Variants in SHANK2 observed in about 807,000 individuals in gnomAD.
SHANK2 encodes SH3 and multiple ankyrin repeat domains 2.
SHANK2 carries 43 observed loss-of-function variants against 133.7 expected under a neutral mutation model. That is an observed-to-expected ratio of 0.32 (90% CI 0.25 to 0.41). The LOEUF (loss-of-function observed/expected upper bound fraction) is 0.41. Among genes scored for constraint, SHANK2 ranks in the 10% least tolerant of loss-of-function variants. The pLI, the probability that SHANK2 is intolerant of heterozygous loss-of-function variation, is 1.00. For synonymous variants in SHANK2, 1,017 were observed against 952.8 expected (o/e 1.07, Z -1.24); for missense variants, 1,994 against 2,235.8 (o/e 0.89, Z 2.18).
rs530972062 is a variant in SHANK2, at chr11:71,243,627, G to A, written c.-113+8798C>T. Among the ~76,000 whole-genome samples the A allele has an allele frequency of 4.6e-5, 7 of 152,232 alleles. 1 individual carries two copies. The South Asian group carries it at 1.0e-3, about 23-fold the overall frequency. On this transcript the variant is annotated intron_variant, in intron 1 of 25. Transcript: ENST00000601538. Reference sequence around the variant, plus strand: ...AGAGAATGGTGTAAGCCCGGGAGGCGGAGCTTGCAGTGAGCTGAGATCACG... The same window carrying A: ...AGAGAATGGTGTAAGCCCGGGAGGCAGAGCTTGCAGTGAGCTGAGATCACG...
intron 10 of SHANK2, among the ~76,000 whole-genome samples, chr11:70,908,596 C>T (rs1193249731): frequency 6.6e-6 from 1 of 152,136 alleles, no homozygotes; most frequent in Non-Finnish European, 1.5e-5. Context: ...GTCCTGGGAT[C>T]GAGCAGAAGC....
In SHANK2 at chr11:70,473,446, C is replaced by T. The variant is rs1565517678; in HGVS notation, c.4980-7G>A. 12 of 1,601,262 alleles carry T rather than the reference C, an allele frequency of 7.5e-6. No individual in the cohort carries two copies. The highest frequency in any genetic ancestry group is 4.5e-5 in the East Asian group (2 of 44,874). The stretch of plus-strand genomic sequence containing the variant: ...GCTCATGATCTCCGGGCTTCTGAAA[C>T]AGCAACACAGAGAAAACCATCACAA... On this transcript the variant is annotated splice_polypyrimidine_tract_variant and splice_region_variant and intron_variant, in intron 25 of 25. Coordinates refer to ENST00000601538, the MANE Select transcript of SHANK2 (RefSeq NM_012309.5). This position sits in a 1 kb window ranked among gnomAD's most constrained non-coding sequence, Gnocchi z 5.9.
intron 3 of SHANK2, among the ~76,000 whole-genome samples, chr11:71,124,061 AATGGTGATG>A (rs1381670838): frequency 1.6e-5 from 2 of 126,550 alleles, no homozygotes; most frequent in East Asian, 5.1e-4. Flanking sequence ...TGGTGGTGAT[AATGGTGATG>A]ATGGAGATGT....
chr11:70,767,614 T>A (rs1221144497), intron 14 of SHANK2, among the ~76,000 whole-genome samples: 3 of 152,008 alleles, frequency 2.0e-5, no homozygotes, highest in African/African-American at 7.2e-5. Flanking sequence ...ACAAAGGCCA[T>A]GCTGGAGGAT....
In SHANK2 at chr11:70,601,055, A is replaced by ATCTATG. The variant is rs200293492; in HGVS notation, c.2061+58772_2061+58773insCATAGA. On this transcript the variant is annotated intron_variant, in intron 17 of 25. Coordinates refer to ENST00000601538, the MANE Select transcript of SHANK2 (RefSeq NM_012309.5). ...TATCTATATCTATATCTATATCTAT[A>ATCTATG]TCTATATCTATATTTGAGATGGAGT... Among the ~76,000 whole-genome samples the ATCTATG allele has an allele frequency of 8.8e-5, 13 of 146,984 alleles. No individual in the cohort carries two copies. The East Asian group carries it at 2.5e-3, about 29-fold the overall frequency.
chr11:70,752,217 T>A (rs890087695), intron 14 of SHANK2, among the ~76,000 whole-genome samples: 2 of 152,102 alleles, frequency 1.3e-5, no homozygotes, highest in African/African-American at 4.8e-5. Flanking sequence ...CCCAATCAGA[T>A]GGACTTTCAG....
chr11:71,112,931 C>T (rs782776902), intron 5 of SHANK2, among the ~76,000 whole-genome samples: 3 of 152,202 alleles, frequency 2.0e-5, no homozygotes, highest in Non-Finnish European at 2.9e-5. Context: ...TTTCCTGAAG[C>T]AACAACAGCA....
chr11:70,784,327 G>A (rs1049852704), intron 14 of SHANK2, among the ~76,000 whole-genome samples: 10 of 126,412 alleles, frequency 7.9e-5, no homozygotes, highest in Admixed American at 1.8e-4. Context: ...CAGGGCGTGC[G>A]CCACCACACC....
chr11:70,797,422 A>C (rs1053947180), intron 14 of SHANK2, among the ~76,000 whole-genome samples: 1 of 152,336 alleles, frequency 6.6e-6, no homozygotes, highest in East Asian at 1.9e-4. Flanking sequence ...AGGGAAGCTG[A>C]TGCACGAACT....
At chr11:71,118,137 G>C (rs1202810869) in intron 4 of SHANK2, among the ~76,000 whole-genome samples, 1 of 152,120 alleles carries the variant, frequency 6.6e-6, no homozygotes, top group Non-Finnish European at 1.5e-5. Context: ...TCCATGCCCA[G>C]GGCCCATGGT....
intron 17 of SHANK2, among the ~76,000 whole-genome samples, chr11:70,547,189 C>T (rs531226699): frequency 9.8e-5 from 15 of 152,330 alleles, no homozygotes; most frequent in African/African-American, 3.4e-4. Context: ...AGTCCTATCC[C>T]GTACTAAGTC....
At position 71,090,679 on chromosome 11, in the gene SHANK2, T is replaced by G. The variant is rs187217395; in HGVS notation, c.912+1743A>C. Among the ~76,000 whole-genome samples the G allele has an allele frequency of 1.3e-4, 20 of 150,876 alleles. No individual in the cohort carries two copies. In the East Asian group the frequency reaches 3.7e-3, roughly 28 times the overall value. On this transcript the variant is annotated intron_variant, in intron 8 of 25. Coordinates refer to ENST00000601538, the MANE Select transcript of SHANK2 (RefSeq NM_012309.5). ...TGTGTGTCTGTGTACATAGATACAT[T>G]TATATGTTATATATGTATATGCACG...
chr11:71,070,060 A>G (rs991387975), intron 9 of SHANK2, among the ~76,000 whole-genome samples: 14 of 152,354 alleles, frequency 9.2e-5, no homozygotes, highest in African/African-American at 2.6e-4. Flanking sequence ...CTTTGGGTCA[A>G]GTACAACACG....
chr11:70,826,034 A>G (rs1260298156), intron 11 of SHANK2, among the ~76,000 whole-genome samples: 1 of 152,200 alleles, frequency 6.6e-6, no homozygotes, highest in African/African-American at 2.4e-5. Flanking sequence ...CCGGGATGGG[A>G]GAGCCGGGAG....
chr11:70,615,246 G>A (rs1420588582), intron 17 of SHANK2, among the ~76,000 whole-genome samples: 3 of 152,098 alleles, frequency 2.0e-5, no homozygotes, highest in African/African-American at 7.2e-5. Flanking sequence ...CCCACACCCC[G>A]CTCCTCCTGG....
At chr11:70,711,507 C>T (rs1555026111) in intron 14 of SHANK2, among the ~76,000 whole-genome samples, 3 of 152,254 alleles carry the variant, frequency 2.0e-5, no homozygotes, top group Non-Finnish European at 2.9e-5. Flanking sequence ...TGATGGGCTC[C>T]TTGCAAGGCA....
chr11:70,869,693 G>A (rs537478047), intron 11 of SHANK2, among the ~76,000 whole-genome samples: 2 of 152,238 alleles, frequency 1.3e-5, no homozygotes, highest in South Asian at 4.2e-4. Flanking sequence ...CCCTGGGCTC[G>A]GTGACCACCG....
chr11:71,229,271 A>G (rs1476178713), intron 1 of SHANK2, among the ~76,000 whole-genome samples: 1 of 152,234 alleles, frequency 6.6e-6, no homozygotes, highest in East Asian at 1.9e-4. Context: ...ATTGGAAAAG[A>G]AGGAACAAAA....
At chr11:70,792,394 GCCAACCAA>G (rs57783483) in intron 14 of SHANK2, among the ~76,000 whole-genome samples, 4,930 of 144,148 alleles carry the variant, frequency 0.034, 144 homozygotes, top group African/African-American at 0.081. Context: ...CAGCCAACCA[GCCAACCAA>G]CCAACCAACC....
Sources: allele counts gnomAD v4.1 joint callset (sites outside exome capture counted in the v4.1 genomes callset), GRCh38; gene constraint gnomAD v4.1.1; non-coding constraint Gnocchi (gnomAD v3.1); transcripts MANE v1.5; gene names NCBI Gene and HGNC (gene_info 2026-07-23, HGNC 2026-07-21).